Variants in POLR1C observed in about 807,000 individuals in gnomAD.
POLR1C encodes RNA polymerase I and III subunit C, also known as DNA-directed RNA polymerases I and III subunit RPAC1.
A neutral mutation model predicts 38.3 loss-of-function variants in POLR1C; 42 were observed. That is an observed-to-expected ratio of 1.10 (90% confidence interval 0.86 to 1.42). POLR1C has a LOEUF of 1.42. Among genes scored for constraint, POLR1C ranks in the 40% most tolerant of loss-of-function variants. The pLI, the probability that POLR1C is intolerant of heterozygous loss-of-function variation, is 0.00. For synonymous variants in POLR1C, 163 were observed against 163.9 expected, an observed-to-expected ratio of 0.99 and a Z score of 0.04; for missense variants, 507 against 450.5, an observed-to-expected ratio of 1.13 and a Z score of -1.14.
At chr6:43,553,740 G>GCGA (rs1272013307) in intron 10 of POLR1C, 17 of 763,694 alleles carry the variant, frequency 2.2e-5, no homozygotes, top group Non-Finnish European at 3.1e-5. Flanking sequence ...CTAACAATGA[G>GCGA]CGGTCTGAAT....
At chr6:43,553,046 G>A (rs1795326281) in intron 10 of POLR1C, among the ~76,000 whole-genome samples, 1 of 152,154 alleles carries the variant, frequency 6.6e-6, no homozygotes, top group South Asian at 2.1e-4. Flanking sequence ...AGGCATAGTG[G>A]GTCATGCCCG....
intron 9 of POLR1C, among the ~76,000 whole-genome samples, chr6:43,542,318 T>C (rs1188091315): frequency 1.3e-5 from 2 of 152,192 alleles, no homozygotes; most frequent in African/African-American, 2.4e-5. Context: ...ACACCTTCTA[T>C]TATCAGATTA....
At chr6:43,548,216 G>C (rs1310652895) in intron 9 of POLR1C, 1 of 1,503,734 alleles carries the variant, frequency 6.7e-7, no homozygotes, top group Non-Finnish European at 8.9e-7. Context: ...AAACCAAAAT[G>C]GGTGCTTGAG....
chr6:43,549,963 C>G (rs1031225848), intron 9 of POLR1C: 9 of 1,608,128 alleles, frequency 5.6e-6, no homozygotes, highest in Non-Finnish European at 5.1e-6. Flanking sequence ...AAAGGTCACT[C>G]ATGTTTATTT....
At chr6:43,554,517 T>C (rs1582230201) in intron 10 of POLR1C, among the ~76,000 whole-genome samples, 2 of 151,482 alleles carry the variant, frequency 1.3e-5, no homozygotes, top group Admixed American at 6.6e-5. Flanking sequence ...CTCCACCTCC[T>C]GGGTTCAAGT....
chr6:43,520,230 T>C (rs1582181993), intron 5 of POLR1C, 45 bp downstream of exon 5: 3 of 1,614,028 alleles, frequency 1.9e-6, no homozygotes, highest in Non-Finnish European at 1.7e-6. Context: ...TGTGGGTAGC[T>C]GCTAGTTTTA....
downstream of POLR1C, chr6:43,523,513 C>G: frequency 2.3e-6 from 1 of 427,306 alleles, no homozygotes; most frequent in South Asian, 1.9e-5. Context: ...TTGGGCACAG[C>G]ACCCTTAGTT....
At chr6:43,553,248 G>A in intron 10 of POLR1C, 1 of 1,236,964 alleles carries the variant, frequency 8.1e-7, no homozygotes, top group East Asian at 2.8e-5. Context: ...GTTACAGAGA[G>A]CTATGATTGT....
At chr6:43,519,251 AG>A (rs1793011091) in intron 2 of POLR1C, 81 bp from the exon 3 acceptor site, 1 of 837,488 alleles carries the variant, frequency 1.2e-6, no homozygotes, top group Non-Finnish European at 2.0e-6. Context: ...ATAATACTTG[AG>A]GGAATTATCT....
At position 43,517,379 on chromosome 6, in the gene POLR1C, T is replaced by C; in HGVS notation, c.141+2T>C. ...TGGGACCAGGACCGCTTCGAGAAGGTAAGTGGGGCCGGAGTTGTCTGGGGA... is the reference window on the plus strand; with the variant it reads ...TGGGACCAGGACCGCTTCGAGAAGGCAAGTGGGGCCGGAGTTGTCTGGGGA... On this transcript the variant is annotated splice_donor_variant, in intron 2 of 8. Transcript: ENST00000642195. LOFTEE classifies it high-confidence loss of function. 1 of 1,613,440 alleles carries C rather than the reference T, an allele frequency of 6.2e-7. No homozygotes were observed. The highest frequency in any genetic ancestry group is 2.2e-5 in the East Asian group (1 of 44,852).
At chr6:43,546,605 G>A in intron 9 of POLR1C, 1 of 1,611,926 alleles carries the variant, frequency 6.2e-7, no homozygotes, top group Non-Finnish European at 8.5e-7. Flanking sequence ...AGAAGTTTCA[G>A]AATCTGCTCT....
At position 43,538,082 on chromosome 6, in the gene POLR1C, C is replaced by CAA. The variant is rs1217531011; in HGVS notation, c.*4+8742_*4+8743dup. 5.2e-3 allele frequency among the ~76,000 whole-genome samples: 189 copies of CAA among 36,116 alleles called. 6 individuals carry two copies. The highest frequency in any genetic ancestry group is 0.014 in the African/African-American group (168 of 12,372). 23.7% of individuals were successfully genotyped at this position (36,116 alleles called of 152,430 possible). ...CATGGGTGACAGAACAAGATGGTCT[C>CAA]AAAAAAAAAAAAAAAAAAAAGGCAA... On this transcript the variant is annotated intron_variant, in intron 9 of 10. Coordinates refer to the POLR1C transcript ENST00000607635.
intron 10 of POLR1C, among the ~76,000 whole-genome samples, chr6:43,554,456 C>T (rs1176387385): frequency 8.6e-5 from 13 of 150,646 alleles, no homozygotes; most frequent in African/African-American, 2.4e-4. Context: ...GATGGAGTCC[C>T]GCTCTTTGCC....
rs556316429 is a variant in POLR1C at position 43,537,432 on chromosome 6, C to T, written c.*4+8073C>T. ...CTGGTATGAGGTCAGTTTTCTAGAC[C>T]AGAGGTCACATTCATACATGTTTTA... On this transcript the variant is annotated intron_variant, in intron 9 of 10. Coordinates refer to the POLR1C transcript ENST00000607635. 3.3e-5 allele frequency among the ~76,000 whole-genome samples: 5 copies of T among 152,074 alleles called. No individual in the cohort carries two copies. In the South Asian group the frequency reaches 1.0e-3, roughly 32 times the overall value.
downstream of POLR1C, chr6:43,531,552 G>A (rs757382507): frequency 5.0e-6 from 8 of 1,613,834 alleles, no homozygotes; most frequent in Non-Finnish European, 5.9e-6. Flanking sequence ...GAGTCATTGA[G>A]TTCCAAGAGA....
At chr6:43,527,879 C>A in intron 8 of POLR1C, 1 of 771,962 alleles carries the variant, frequency 1.3e-6, no homozygotes, top group Non-Finnish European at 2.1e-6. Flanking sequence ...AGCAGTGATC[C>A]ACTGAAGGAC....
Position 43,520,137 on chromosome 6 carries a change from G to A in POLR1C, c.454G>A (p.Ala152Thr). 6.2e-7 allele frequency: 1 copy of A among 1,614,204 alleles called. No individual in the cohort carries two copies. Among genetic ancestry groups the A allele is most frequent in the South Asian group, 1.1e-5 (1 of 91,072 alleles). ...LQVRCTRNPH[A>T]AKDSSDPNEL... ...GGTCAGATGCACTCGGAACCCCCATGCTGCTAAAGATTCCTCTGACCCCAA... is the reference window on the plus strand; with the variant it reads ...GGTCAGATGCACTCGGAACCCCCATACTGCTAAAGATTCCTCTGACCCCAA... The change falls in exon 5 of 9, where the codon GCT becomes ACT. Residue 152 changes from alanine to threonine, a missense_variant. By Grantham distance (58) the Ala-to-Thr change is moderately conservative. Transcript: ENST00000642195.
chr6:43,539,669 C>G, intron 9 of POLR1C: 1 of 1,020,332 alleles, frequency 9.8e-7, no homozygotes, highest in Non-Finnish European at 1.5e-6. Context: ...ACCAGGGCCT[C>G]CAGGCCCCCC....
At chr6:43,533,832 TAAAA>T, downstream of POLR1C, 1 of 1,200,958 alleles carries the variant, frequency 8.3e-7, no homozygotes, top group Non-Finnish European at 1.2e-6. Context: ...CTATGACTCT[TAAAA>T]AACAACAAAA....
Sources: gnomAD v4.1 joint callset for allele counts (sites outside exome capture counted in the v4.1 genomes callset) on GRCh38, gnomAD v4.1.1 for gene constraint, MANE v1.5 for transcripts, NCBI Gene and HGNC (gene_info 2026-07-23, HGNC 2026-07-21) for gene names.